Variants in KPNA4 observed in about 807,000 individuals in gnomAD.
The protein encoded by KPNA4 is importin subunit alpha-3.
Under a neutral mutation model 71.3 loss-of-function variants are expected in KPNA4, and 13 were observed. That is an observed-to-expected ratio of 0.18 (90% CI 0.12 to 0.29). The LOEUF is 0.29. KPNA4 is among the 10% of genes least tolerant of loss of function. KPNA4 has a pLI of 1.00. For synonymous variants in KPNA4, 189 were observed against 195.2 expected (o/e 0.97, Z 0.26); for missense variants, 334 against 603.2 (o/e 0.55, Z 4.67).
chr3:160,556,703 T>C (rs1241170103), intron 1 of KPNA4, among the ~76,000 whole-genome samples: 1 of 152,198 alleles, frequency 6.6e-6, no homozygotes, highest in East Asian at 1.9e-4. Context: ...TTTTGGAGCA[T>C]TGTGGATTTC....
At chr3:160,513,515 T>C (rs1269550550) in intron 13 of KPNA4, among the ~76,000 whole-genome samples, 2 of 152,110 alleles carry the variant, frequency 1.3e-5, no homozygotes, top group Non-Finnish European at 2.9e-5. Context: ...TCCTCCTGCT[T>C]TGGCCTCCCA....
chr3:160,518,599 C>T (rs979600681), intron 11 of KPNA4, among the ~76,000 whole-genome samples: 2 of 151,756 alleles, frequency 1.3e-5, no homozygotes, highest in Admixed American at 6.6e-5. Flanking sequence ...GTGGCTCACG[C>T]CTGCAATCCC....
chr3:160,499,653 CCA>C lies in KPNA4; in HGVS notation c.*2449_*2450del, dbSNP rs1197353197. ...TTAAACGATAAGGTAGTCCTTATAC[CCA>C]GAGATATTAATATCACCCTTACCTA... On this transcript the variant is annotated 3_prime_UTR_variant, in exon 17 of 17. Transcript: ENST00000334256. 6.6e-6 allele frequency: 1 copy of C among 151,848 alleles called. No individual in the cohort carries two copies. Among genetic ancestry groups the C allele is most frequent in the Non-Finnish European group, 1.5e-5 (1 of 67,968 alleles). 9.4% of individuals were successfully genotyped at this position (151,848 alleles called of 1,614,324 possible).
chr3:160,522,753 C>T (rs763138211), intron 10 of KPNA4, among the ~76,000 whole-genome samples: 6 of 152,164 alleles, frequency 3.9e-5, no homozygotes, highest in Admixed American at 1.3e-4. Context: ...CCACTGCGCC[C>T]GGCCAGCAAC....
Position 160,537,079 on chromosome 3 carries a change from A to G in KPNA4, c.70-239T>C, listed in dbSNP as rs76936111. On this transcript the variant is annotated intron_variant, in intron 1 of 16. Coordinates refer to ENST00000334256, the MANE Select transcript of KPNA4 (RefSeq NM_002268.5). ...AAATTATTAATACAATATTGGCTAT[A>G]TCACAATTTTAAAAACTATAATATA... is the stretch of plus-strand genomic sequence containing the variant. Among the ~76,000 whole-genome samples the G allele has an allele frequency of 1.6e-4, 25 of 152,150 alleles. No individual in the cohort carries two copies. The East Asian group carries it at 4.8e-3, about 29-fold the overall frequency.
At chr3:160,560,928 T>C (rs1443074324) in intron 1 of KPNA4, among the ~76,000 whole-genome samples, 1 of 152,064 alleles carries the variant, frequency 6.6e-6, no homozygotes, top group Admixed American at 6.5e-5. Flanking sequence ...GAGAGATCAG[T>C]CTCTAAAAGT....
intron 1 of KPNA4, among the ~76,000 whole-genome samples, chr3:160,554,122 G>A (rs948565578): frequency 1.3e-5 from 2 of 152,198 alleles, no homozygotes; most frequent in Non-Finnish European, 2.9e-5. Context: ...GAGTTCAACT[G>A]TGACCCCCAA....
chr3:160,521,533 G>GT (rs2108548624), intron 11 of KPNA4, among the ~76,000 whole-genome samples: 1 of 152,308 alleles, frequency 6.6e-6, no homozygotes, highest in East Asian at 1.9e-4. Context: ...AACCTAGGAA[G>GT]TGGAGGTTGT....
rs1045729623 is a variant in KPNA4, at chr3:160,495,460, T to A, written c.*6644A>T. The stretch of plus-strand genomic sequence containing the variant: ...TTCTTTTAGTACTTCTGTTTCTGAA[T>A]TAGACCGAACAGTCACCATGTAGGT... On this transcript the variant is annotated 3_prime_UTR_variant, in exon 17 of 17. Transcript: ENST00000334256. The A allele has an allele frequency of 2.0e-5, 3 of 152,100 alleles. No individual in the cohort carries two copies. Among genetic ancestry groups the A allele is most frequent in the Admixed American group, 2.0e-4 (3 of 15,268 alleles). 9.4% of individuals were successfully genotyped at this position (152,100 alleles called of 1,614,324 possible). A position where few individuals can be genotyped will look rare whatever the true frequency, so the allele number is the denominator to read the frequency against.
At chr3:160,535,091 T>C (rs1721660508) in intron 5 of KPNA4, among the ~76,000 whole-genome samples, 1 of 152,188 alleles carries the variant, frequency 6.6e-6, no homozygotes, top group Admixed American at 6.5e-5. Context: ...TCTGGATTTA[T>C]TGTTTGATCA....
intron 11 of KPNA4, among the ~76,000 whole-genome samples, chr3:160,520,306 T>C (rs1721319322): frequency 2.0e-5 from 3 of 151,222 alleles, no homozygotes; most frequent in African/African-American, 4.9e-5. Flanking sequence ...GGCAGGAGAG[T>C]AGTGGCGCAA....
rs1193215657 is a variant in KPNA4 at position 160,501,329 on chromosome 3, G to A, written c.*775C>T. The A allele has an allele frequency of 6.6e-6, 1 of 152,186 alleles. No homozygotes were observed. Among genetic ancestry groups the A allele is most frequent in the African/African-American group, 2.4e-5 (1 of 41,300 alleles). The allele number at this position is 152,186 out of a possible 1,614,324, so 9.4% of individuals were successfully genotyped here. A position where few individuals can be genotyped will look rare whatever the true frequency, so the allele number is the denominator to read the frequency against. ...AAAGAAAAAAAAAAGGATTGGGTGG[G>A]GGGAAGGAGGTGGGAAAGGGGGAAA... is the stretch of plus-strand genomic sequence containing the variant. On this transcript the variant is annotated 3_prime_UTR_variant, in exon 17 of 17. Transcript: ENST00000334256.
At chr3:160,559,510 A>G (rs904108698) in intron 1 of KPNA4, among the ~76,000 whole-genome samples, 1 of 152,222 alleles carries the variant, frequency 6.6e-6, no homozygotes, top group Non-Finnish European at 1.5e-5. Context: ...AGCATCAGTA[A>G]AAGATGGGTA....
intron 7 of KPNA4, among the ~76,000 whole-genome samples, chr3:160,529,642 T>A (rs1430758355): frequency 6.6e-6 from 1 of 152,220 alleles, no homozygotes; most frequent in Non-Finnish European, 1.5e-5. Context: ...GTATCTTCTT[T>A]AAAATTATTA....
intron 15 of KPNA4, among the ~76,000 whole-genome samples, chr3:160,505,893 A>G (rs959201892): frequency 6.6e-6 from 1 of 152,198 alleles, no homozygotes; most frequent in Non-Finnish European, 1.5e-5. Context: ...CTACCAGGAA[A>G]TTTCATAGCT....
At chr3:160,515,669 C>T (rs1721200482) in intron 11 of KPNA4, 89 bp from the exon 12 acceptor site, 3 of 1,428,214 alleles carry the variant, frequency 2.1e-6, no homozygotes, top group East Asian at 5.0e-5. Flanking sequence ...GGGTAGAGTG[C>T]AGTGGTGCGA....
At chr3:160,560,750 G>A (rs1722227366) in intron 1 of KPNA4, among the ~76,000 whole-genome samples, 1 of 151,866 alleles carries the variant, frequency 6.6e-6, no homozygotes, top group Non-Finnish European at 1.5e-5. Flanking sequence ...TTCTCAAACT[G>A]GCTACCTTGT....
chr3:160,509,162 C>T (rs1174520704), intron 14 of KPNA4, among the ~76,000 whole-genome samples: 1 of 152,126 alleles, frequency 6.6e-6, no homozygotes, highest in African/African-American at 2.4e-5. Flanking sequence ...TAAGCTTTGT[C>T]ACCCGCACGA....
chr3:160,515,448 T>G lies in KPNA4; in HGVS notation c.1032+4A>C. ...TCTATTAAGTAGTATTTAATAGTAC[T>G]TACTTTATTAATTTTCTCTTTGGGA... On this transcript the variant is annotated splice_donor_region_variant and intron_variant, in intron 12 of 16. Transcript: ENST00000334256. 1 of 1,609,236 alleles carries G rather than the reference T, an allele frequency of 6.2e-7. No homozygotes were observed. The highest frequency in any genetic ancestry group is 8.5e-7 in the Non-Finnish European group (1 of 1,176,602).
Sources: allele counts gnomAD v4.1 joint callset (sites outside exome capture counted in the v4.1 genomes callset), GRCh38; gene constraint gnomAD v4.1.1; transcripts MANE v1.5; gene names NCBI Gene and HGNC (gene_info 2026-07-23, HGNC 2026-07-21).